The following LOXL1 variants were observed in gnomAD, a reference collection of about 807,000 sequenced individuals.
The protein encoded by LOXL1 is lysyl oxidase homolog 1.
Under a neutral mutation model 62.2 loss-of-function variants are expected in LOXL1, and 31 were observed. The ratio of observed to expected loss-of-function variants is 0.50; its 90% CI spans 0.37 to 0.67. The LOEUF (loss-of-function observed/expected upper bound fraction) is 0.67, where lower values mean the gene tolerates loss of function less well. LOXL1 is among the 30% of genes least tolerant of loss of function. The pLI, the probability that LOXL1 is intolerant of heterozygous loss-of-function variation, is 0.00. For missense variants in LOXL1, 775 were observed against 843.4 expected (o/e 0.92, Z 1.00); for synonymous variants, 403 against 384.4 (o/e 1.05, Z -0.56).
intron 1 of LOXL1, among the ~76,000 whole-genome samples, chr15:73,932,106 T>G (rs554413101): frequency 1.3e-5 from 2 of 152,158 alleles, no homozygotes; most frequent in Non-Finnish European, 2.9e-5. Flanking sequence ...CAGGAGGATA[T>G]CATGTTCAGC....
intron 1 of LOXL1, 79 bp from the exon 2 acceptor site, chr15:73,942,775 G>A (rs1464184251): frequency 2.3e-6 from 2 of 861,320 alleles, no homozygotes; most frequent in Admixed American, 3.4e-5. Context: ...AGGTCTCTGG[G>A]CATTAGCAGT....
At chr15:73,942,252 G>C (rs868800112) in intron 1 of LOXL1, among the ~76,000 whole-genome samples, 1 of 152,098 alleles carries the variant, frequency 6.6e-6, no homozygotes, top group African/African-American at 2.4e-5. Context: ...CTCTGGGGAA[G>C]TGTTTTCCTT....
intron 1 of LOXL1, among the ~76,000 whole-genome samples, chr15:73,940,139 A>G (rs908626268): frequency 3.3e-5 from 5 of 152,154 alleles, no homozygotes; most frequent in Admixed American, 2.0e-4. Flanking sequence ...CTAAGTGTAG[A>G]TCAATACAGA....
intron 1 of LOXL1, among the ~76,000 whole-genome samples, chr15:73,932,852 G>A (rs8041685): frequency 0.19 from 28,903 of 152,176 alleles, 2,989 homozygotes; most frequent in African/African-American, 0.27. Flanking sequence ...AAGAAAAAGA[G>A]TCTTCAGGCT....
At chr15:73,938,315 C>CTATCTAGATAGA (rs748345626) in intron 1 of LOXL1, among the ~76,000 whole-genome samples, 16 of 140,206 alleles carry the variant, frequency 1.1e-4, no homozygotes, top group South Asian at 4.3e-4. Flanking sequence ...ATCTATCTAT[C>CTATCTAGATAGA]TAGGTAGATA....
At chr15:73,937,149 G>C (rs76675154) in intron 1 of LOXL1, among the ~76,000 whole-genome samples, 1 of 152,118 alleles carries the variant, frequency 6.6e-6, no homozygotes, top group Non-Finnish European at 1.5e-5. Context: ...TCCCGAGGGC[G>C]GGCACGGGAG....
chr15:73,934,596 G>C (rs1398395597), intron 1 of LOXL1, among the ~76,000 whole-genome samples: 1 of 152,172 alleles, frequency 6.6e-6, no homozygotes, highest in Non-Finnish European at 1.5e-5. Context: ...AAATAGGGCA[G>C]ATATCATCTC....
intron 1 of LOXL1, among the ~76,000 whole-genome samples, chr15:73,936,851 A>G (rs2068676929): frequency 6.6e-6 from 1 of 152,248 alleles, no homozygotes. Flanking sequence ...CTGCTAAAGT[A>G]TCGTCTGTAG....
chr15:73,932,131 G>A (rs1402893208), intron 1 of LOXL1, among the ~76,000 whole-genome samples: 1 of 152,166 alleles, frequency 6.6e-6, no homozygotes, highest in Non-Finnish European at 1.5e-5. Flanking sequence ...GGGCAGGGTG[G>A]GGCAGGGCAT....
chr15:73,936,111 T>C (rs1431304062), intron 1 of LOXL1, among the ~76,000 whole-genome samples: 6 of 152,018 alleles, frequency 3.9e-5, no homozygotes, highest in African/African-American at 1.2e-4. Context: ...CTAGGTAAGG[T>C]CAAACCACAG....
intron 1 of LOXL1, among the ~76,000 whole-genome samples, chr15:73,931,986 G>T (rs1202706841): frequency 2.0e-5 from 3 of 152,224 alleles, no homozygotes; most frequent in African/African-American, 7.2e-5. Flanking sequence ...TGCAGATTAT[G>T]GTCCTCCTGG....
chr15:73,949,772 G>T (rs150997017), intron 6 of LOXL1, among the ~76,000 whole-genome samples, 198 bp downstream of exon 6: 293 of 152,278 alleles, frequency 1.9e-3, no homozygotes, highest in African/African-American at 6.5e-3. Flanking sequence ...AGGCCGTAGG[G>T]TGTTGATCTG....
chr15:73,932,513 G>T (rs753774257), intron 1 of LOXL1, among the ~76,000 whole-genome samples: 3 of 152,236 alleles, frequency 2.0e-5, no homozygotes, highest in Non-Finnish European at 4.4e-5. Flanking sequence ...GGTTGTGACA[G>T]GGTGAGATGG....
intron 1 of LOXL1, among the ~76,000 whole-genome samples, chr15:73,940,736 A>G (rs1036822988): frequency 6.6e-6 from 1 of 152,212 alleles, no homozygotes; most frequent in Admixed American, 6.5e-5. Flanking sequence ...GACCAAGGTC[A>G]GGGTGCAGAC....
chr15:73,928,689 T>C (rs2068612629), intron 1 of LOXL1, among the ~76,000 whole-genome samples: 2 of 151,826 alleles, frequency 1.3e-5, no homozygotes, highest in African/African-American at 2.4e-5. Flanking sequence ...CCGAGCCATA[T>C]TGGAGCCTGA....
chr15:73,941,944 C>G, intron 1 of LOXL1: 2 of 271,574 alleles, frequency 7.4e-6, no homozygotes, highest in South Asian at 2.9e-5. Context: ...GGACAGGCCC[C>G]GGGCTCTGGC....
chr15:73,943,254 G>T (rs1050498469), intron 2 of LOXL1, among the ~76,000 whole-genome samples: 2 of 152,242 alleles, frequency 1.3e-5, no homozygotes, highest in Non-Finnish European at 2.9e-5. Context: ...GAAGGCATGG[G>T]TTACCCCCTC....
At chr15:73,951,751 TG>T in intron 6 of LOXL1, 79 bp from the exon 7 acceptor site, 2 of 1,335,916 alleles carry the variant, frequency 1.5e-6, no homozygotes, top group Non-Finnish European at 2.0e-6. Flanking sequence ...ATCTGGGCTG[TG>T]GGAGGGACGC....
At chr15:73,950,164 C>T (rs1168048109) in intron 6 of LOXL1, among the ~76,000 whole-genome samples, 1 of 152,090 alleles carries the variant, frequency 6.6e-6, no homozygotes, top group Non-Finnish European at 1.5e-5. Context: ...GATTTTGGCA[C>T]ATGCTGCTGG....
Sources: allele counts gnomAD v4.1 joint callset (sites outside exome capture counted in the v4.1 genomes callset), GRCh38; gene constraint gnomAD v4.1.1; transcripts MANE v1.5; gene names NCBI Gene and HGNC (gene_info 2026-07-23, HGNC 2026-07-21).